The following GALNT14 variants were observed in gnomAD, a reference collection of about 807,000 sequenced individuals.
GALNT14 encodes the protein UDP-GalNAc:polypeptide N-acetylgalactosaminyltransferase 14.
A neutral mutation model predicts 77.5 loss-of-function variants in GALNT14; 60 were observed. The observed-to-expected ratio is 0.77, with a 90% CI of 0.63 to 0.96. The LOEUF (loss-of-function observed/expected upper bound fraction) is 0.96. Among genes scored for constraint, GALNT14 ranks in the 40% least tolerant of loss-of-function variants. The pLI is 0.00. For synonymous variants in GALNT14, 280 were observed against 281.7 expected, an observed-to-expected ratio of 0.99 and a Z score of 0.06; for missense variants, 710 against 731.0, an observed-to-expected ratio of 0.97 and a Z score of 0.33.
intron 9 of GALNT14, among the ~76,000 whole-genome samples, chr2:30,936,640 C>T (rs1288542789): frequency 6.6e-6 from 1 of 152,114 alleles, no homozygotes; most frequent in Non-Finnish European, 1.5e-5. Flanking sequence ...TTTAAGTTCC[C>T]AACATCTACT....
chr2:30,983,318 TG>T (rs143861727), intron 2 of GALNT14, among the ~76,000 whole-genome samples: 3,589 of 150,422 alleles, frequency 0.024, 58 homozygotes, highest in Admixed American at 0.049. Context: ...CTGTTTTTTT[TG>T]TTGTTGTTGT....
Position 30,955,869 on chromosome 2 carries a change from C to T in GALNT14, c.532+43G>A, listed in dbSNP as rs778611920. The T allele has an allele frequency of 9.9e-6, 16 of 1,612,330 alleles. No individual in the cohort carries two copies. In the East Asian group the frequency reaches 1.6e-4, roughly 16 times the overall value. On this transcript the variant is annotated intron_variant, in intron 5 of 14. Coordinates refer to ENST00000349752, the MANE Select transcript of GALNT14 (RefSeq NM_024572.4). ...ACACACCATCACACCTTCGACCCCC[C>T]GACACTCACACTGGAGGCTCCCGCA...
chr2:30,900,741 T>C, the GALNT14 span, among the ~76,000 whole-genome samples: 3 of 152,252 alleles, frequency 2.0e-5, no homozygotes, highest in African/African-American at 7.2e-5. Flanking sequence ...TAAAAACAAA[T>C]GGGAATTCAG....
intron 1 of GALNT14, among the ~76,000 whole-genome samples, chr2:31,083,498 T>C (rs1676259526): frequency 6.6e-6 from 1 of 152,006 alleles, no homozygotes; most frequent in Non-Finnish European, 1.5e-5. Context: ...AGGAGGAGGG[T>C]GAGGAAGCAG....
chr2:30,979,323 G>A (rs1668839903), intron 2 of GALNT14, among the ~76,000 whole-genome samples: 1 of 152,200 alleles, frequency 6.6e-6, no homozygotes, highest in African/African-American at 2.4e-5. Context: ...CACAGATCAG[G>A]GCTTGGGTGA....
chr2:30,958,374 A>G (rs374183152), intron 4 of GALNT14, 23 bp downstream of exon 4: 7 of 1,605,732 alleles, frequency 4.4e-6, no homozygotes, highest in Non-Finnish European at 5.1e-6. Flanking sequence ...GTGTCTAAAG[A>G]GCAAGTGAGC....
At chr2:31,073,728 T>C (rs753649512) in intron 1 of GALNT14, among the ~76,000 whole-genome samples, 1 of 152,218 alleles carries the variant, frequency 6.6e-6, no homozygotes, top group Non-Finnish European at 1.5e-5. Context: ...ATGAGGACTA[T>C]ACATTTTATT....
chr2:31,026,405 G>C (rs959956951), intron 1 of GALNT14, among the ~76,000 whole-genome samples: 2 of 152,196 alleles, frequency 1.3e-5, no homozygotes, highest in Non-Finnish European at 1.5e-5. Context: ...ACACCCTCCT[G>C]TTGCTTTTAA....
chr2:31,123,213 G>A (rs1678512253), intron 1 of GALNT14, among the ~76,000 whole-genome samples: 1 of 150,644 alleles, frequency 6.6e-6, no homozygotes, highest in African/African-American at 2.4e-5. Flanking sequence ...TTTATTGATG[G>A]ACCATGGAGT....
chr2:31,110,195 T>C (rs1290982267), intron 1 of GALNT14, among the ~76,000 whole-genome samples: 5 of 148,090 alleles, frequency 3.4e-5, no homozygotes, highest in Admixed American at 6.6e-5. Flanking sequence ...AGATCCTTCC[T>C]TCTCCCTTTC....
chr2:30,936,147 T>C (rs1416113007), intron 9 of GALNT14, among the ~76,000 whole-genome samples: 1 of 152,042 alleles, frequency 6.6e-6, no homozygotes, highest in Non-Finnish European at 1.5e-5. Flanking sequence ...GTCAGGTAAA[T>C]ATTTGAGAGC....
chr2:30,911,495 A>G (rs1664358926), intron 14 of GALNT14, among the ~76,000 whole-genome samples: 1 of 152,094 alleles, frequency 6.6e-6, no homozygotes, highest in African/African-American at 2.4e-5. Context: ...CAGAGCAGAG[A>G]GGCAGGTCTC....
chr2:30,997,972 T>C (rs1479779354), intron 1 of GALNT14, among the ~76,000 whole-genome samples: 1 of 152,218 alleles, frequency 6.6e-6, no homozygotes, highest in Non-Finnish European at 1.5e-5. Flanking sequence ...TTCTACTCTC[T>C]ACTTCTCTGA....
intron 13 of GALNT14, among the ~76,000 whole-genome samples, chr2:30,917,382 C>T (rs895083918): frequency 6.6e-6 from 1 of 152,208 alleles, no homozygotes; most frequent in Non-Finnish European, 1.5e-5. Context: ...GGCCCTATTA[C>T]CAGTAGTGCT....
intron 1 of GALNT14, among the ~76,000 whole-genome samples, chr2:31,094,460 G>A (rs1044385354): frequency 2.0e-5 from 3 of 152,194 alleles, no homozygotes; most frequent in African/African-American, 4.8e-5. Flanking sequence ...TGACAGACCC[G>A]ATGCCATTTG....
intron 3 of GALNT14, among the ~76,000 whole-genome samples, chr2:30,959,466 C>T (rs1667558531): frequency 6.6e-6 from 1 of 152,138 alleles, no homozygotes; most frequent in African/African-American, 2.4e-5. Context: ...TGATTCTACC[C>T]TCCAGAAGCT....
At chr2:30,992,140 C>T (rs1669740865) in intron 2 of GALNT14, among the ~76,000 whole-genome samples, 3 of 152,242 alleles carry the variant, frequency 2.0e-5, no homozygotes, top group South Asian at 2.1e-4. Context: ...TAGGTCTTAC[C>T]AGGGAGCATA....
At chr2:30,981,377 CGTGATGT>C (rs1397111855) in intron 2 of GALNT14, among the ~76,000 whole-genome samples, 22 of 152,208 alleles carry the variant, frequency 1.4e-4, no homozygotes, top group Non-Finnish European at 2.6e-4. Flanking sequence ...CTGCCTTCTA[CGTGATGT>C]GCCAACTCCA....
chr2:30,926,025 T>C (rs777687954), intron 11 of GALNT14, among the ~76,000 whole-genome samples: 2 of 152,176 alleles, frequency 1.3e-5, no homozygotes, highest in Non-Finnish European at 2.9e-5. Flanking sequence ...GGCAAACACA[T>C]AGAGCTGGCC....
Sources: gnomAD v4.1 joint callset for allele counts (sites outside exome capture counted in the v4.1 genomes callset) on GRCh38, gnomAD v4.1.1 for gene constraint, MANE v1.5 for transcripts, NCBI Gene and HGNC (gene_info 2026-07-23, HGNC 2026-07-21) for gene names.